The following RAB27B variants were observed in gnomAD, a reference collection of about 807,000 sequenced individuals.
RAB27B encodes ras-related protein Rab-27B.
A neutral mutation model predicts 24.6 loss-of-function variants in RAB27B; 15 were observed. That is an observed-to-expected ratio of 0.61 (90% CI 0.41 to 0.94). The LOEUF (loss-of-function observed/expected upper bound fraction) is 0.94, where lower values mean the gene tolerates loss of function less well. Ranked by LOEUF, RAB27B falls within the 40% of genes least tolerant of loss-of-function variation. RAB27B has a pLI of 0.00. For synonymous variants in RAB27B, 105 were observed against 92.5 expected (o/e 1.14, Z -0.78); for missense variants, 261 against 266.8 (o/e 0.98, Z 0.15).
At chr18:54,801,292 G>A (rs905398789) in intron 2 of RAB27B, among the ~76,000 whole-genome samples, 1 of 151,904 alleles carries the variant, frequency 6.6e-6, no homozygotes, top group Non-Finnish European at 1.5e-5. Flanking sequence ...TGGGATTGCA[G>A]GTGTGAGCCA....
At chr18:54,815,048 T>G (rs1167667151) in intron 2 of RAB27B, among the ~76,000 whole-genome samples, 1 of 152,196 alleles carries the variant, frequency 6.6e-6, no homozygotes, top group African/African-American at 2.4e-5. Flanking sequence ...CAAATGAGAA[T>G]TTAATAACAC....
chr18:54,718,387 T>C (rs1909256252), intron 2 of RAB27B, among the ~76,000 whole-genome samples: 2 of 152,166 alleles, frequency 1.3e-5, no homozygotes, highest in African/African-American at 4.8e-5. Context: ...TGAGTTTGAA[T>C]GGGAAAGAGA....
At chr18:54,849,834 A>G (rs1486320888) in intron 1 of RAB27B, among the ~76,000 whole-genome samples, 1 of 152,068 alleles carries the variant, frequency 6.6e-6, no homozygotes, top group Non-Finnish European at 1.5e-5. Flanking sequence ...AACTGAATAG[A>G]CCTCTGACAC....
At chr18:54,752,606 T>A (rs1165354982) in intron 2 of RAB27B, among the ~76,000 whole-genome samples, 1 of 152,102 alleles carries the variant, frequency 6.6e-6, no homozygotes, top group Non-Finnish European at 1.5e-5. Flanking sequence ...GGTTTTCTAT[T>A]TGGGGTTTGT....
At chr18:54,726,872 A>G (rs976352364) in intron 2 of RAB27B, among the ~76,000 whole-genome samples, 2 of 143,904 alleles carry the variant, frequency 1.4e-5, no homozygotes, top group African/African-American at 5.0e-5. Flanking sequence ...TGGGTTTTGC[A>G]TGTTGGCAAG....
rs141612367 is a variant in RAB27B, at chr18:54,887,110, G to C, written c.344-885G>C. On this transcript the variant is annotated intron_variant, in intron 4 of 5. Transcript: ENST00000262094. ...CTCCTCCCCCCTCCGCCCACACATA[G>C]TGTTTTTTGGAGAAAAGAGAAAAAC... Among the ~76,000 whole-genome samples, 202 of 134,804 alleles carry C rather than the reference G, an allele frequency of 1.5e-3. 2 individuals are homozygous for C. The highest frequency in any genetic ancestry group is 5.3e-3 in the African/African-American group (194 of 36,798). The allele number at this position is 134,804 out of a possible 152,430, so 88.4% of individuals were successfully genotyped here.
At chr18:54,776,038 T>A (rs746802685) in intron 2 of RAB27B, among the ~76,000 whole-genome samples, 2 of 152,262 alleles carry the variant, frequency 1.3e-5, no homozygotes, top group African/African-American at 4.8e-5. Flanking sequence ...ATGTGTAGAA[T>A]CTGCAAATTC....
In RAB27B at chr18:54,781,826, C is replaced by T. The variant is rs192233094; in HGVS notation, c.-20+63685C>T. Among the ~76,000 whole-genome samples the T allele has an allele frequency of 2.9e-3, 436 of 152,248 alleles. 6 individuals are homozygous for T. The highest frequency in any genetic ancestry group is 0.028 in the South Asian group (136 of 4,822). On this transcript the variant is annotated intron_variant, in intron 2 of 4. Transcript: ENST00000586570. Reference sequence around the variant, plus strand: ...GATATCTATTTAGGATCAAAAGGGGCTACTGATAGGACTACTCTGAAATGT... The same window carrying T: ...GATATCTATTTAGGATCAAAAGGGGTTACTGATAGGACTACTCTGAAATGT...
At chr18:54,821,839 T>G (rs1246672618) in intron 2 of RAB27B, among the ~76,000 whole-genome samples, 1 of 152,236 alleles carries the variant, frequency 6.6e-6, no homozygotes, top group Non-Finnish European at 1.5e-5. Flanking sequence ...CTGCAACCTC[T>G]GCCTCCGGGG....
chr18:54,721,525 T>C (rs1052435049), intron 2 of RAB27B, among the ~76,000 whole-genome samples: 2 of 152,202 alleles, frequency 1.3e-5, no homozygotes, highest in East Asian at 3.8e-4. Context: ...TTAATGTCTT[T>C]GAATTATTTT....
chr18:54,831,790 T>TA (rs1910690951), intron 1 of RAB27B, among the ~76,000 whole-genome samples: 1 of 151,390 alleles, frequency 6.6e-6, no homozygotes, highest in African/African-American at 2.4e-5. Flanking sequence ...TCTTTTTTTT[T>TA]AACTGAGACA....
At chr18:54,756,683 T>C (rs1908015208) in intron 2 of RAB27B, among the ~76,000 whole-genome samples, 1 of 152,170 alleles carries the variant, frequency 6.6e-6, no homozygotes, top group South Asian at 2.1e-4. Flanking sequence ...TGTATATTTG[T>C]CTGGTTTACC....
At chr18:54,861,971 A>G (rs578071628) in intron 1 of RAB27B, among the ~76,000 whole-genome samples, 1 of 152,156 alleles carries the variant, frequency 6.6e-6, no homozygotes, top group Admixed American at 6.5e-5. Flanking sequence ...TTCAATATAC[A>G]GCTTTACAGA....
intron 2 of RAB27B, among the ~76,000 whole-genome samples, chr18:54,794,284 G>C (rs774381611): frequency 1.3e-5 from 2 of 152,070 alleles, no homozygotes; most frequent in African/African-American, 4.8e-5. Flanking sequence ...AGTCTTCTTA[G>C]AACTCTCTAT....
At chr18:54,857,199 C>G (rs1404117583) in intron 1 of RAB27B, among the ~76,000 whole-genome samples, 1 of 152,174 alleles carries the variant, frequency 6.6e-6, no homozygotes, top group Non-Finnish European at 1.5e-5. Context: ...AAGGTCTCCA[C>G]CTGGGTACTC....
At chr18:54,869,365 T>C (rs1333662754) in intron 1 of RAB27B, among the ~76,000 whole-genome samples, 1 of 152,188 alleles carries the variant, frequency 6.6e-6, no homozygotes, top group Non-Finnish European at 1.5e-5. Context: ...ATGTCTTAGA[T>C]CATGGAAAAG....
At chr18:54,820,338 T>A (rs1177817147) in intron 2 of RAB27B, among the ~76,000 whole-genome samples, 2 of 152,210 alleles carry the variant, frequency 1.3e-5, no homozygotes, top group Admixed American at 6.5e-5. Flanking sequence ...GGTATCTCAT[T>A]GTGGTTTTGA....
intron 2 of RAB27B, among the ~76,000 whole-genome samples, chr18:54,819,205 AATT>A (rs1910216199): frequency 1.4e-5 from 2 of 148,030 alleles, no homozygotes; most frequent in Admixed American, 6.8e-5. Context: ...AATATTATAT[AATT>A]ATAATTCTAA....
At chr18:54,830,879 AT>A (rs1910648153) in intron 1 of RAB27B, among the ~76,000 whole-genome samples, 1 of 152,348 alleles carries the variant, frequency 6.6e-6, no homozygotes, top group East Asian at 1.9e-4. Context: ...GGCCAAAAAA[AT>A]CTTAAATAAA....
Sources: allele counts gnomAD v4.1 joint callset (sites outside exome capture counted in the v4.1 genomes callset), GRCh38; gene constraint gnomAD v4.1.1; transcripts MANE v1.5; gene names NCBI Gene and HGNC (gene_info 2026-07-23, HGNC 2026-07-21).